MARCHF7: variants seen among roughly 807,000 people sequenced by gnomAD.
The protein encoded by MARCHF7 is membrane associated ring-CH-type finger 7.
A neutral mutation model predicts 76.5 loss-of-function variants in MARCHF7; 20 were observed. The ratio of observed to expected loss-of-function variants is 0.26; its 90% confidence interval spans 0.18 to 0.38. The LOEUF (loss-of-function observed/expected upper bound fraction) is 0.38, where lower values mean the gene tolerates loss of function less well. Ranked by LOEUF, MARCHF7 falls within the 10% of genes least tolerant of loss-of-function variation. The pLI is 1.00. For missense variants in MARCHF7, 797 were observed against 812.9 expected, an observed-to-expected ratio of 0.98 and a Z score of 0.24; for synonymous variants, 295 against 293.0, an observed-to-expected ratio of 1.01 and a Z score of -0.07.
intron 6 of MARCHF7, among the ~76,000 whole-genome samples, chr2:159,746,855 A>G (rs1040354377): frequency 2.0e-5 from 3 of 152,196 alleles, no homozygotes; most frequent in African/African-American, 7.2e-5. Flanking sequence ...GGTTATTTTA[A>G]TTTATCTTAC....
At chr2:159,749,619 AT>A (rs1482520266) in intron 7 of MARCHF7, among the ~76,000 whole-genome samples, 3 of 152,108 alleles carry the variant, frequency 2.0e-5, no homozygotes, top group Non-Finnish European at 2.9e-5. Flanking sequence ...AAGTACTGGG[AT>A]TACAGGCATG....
intron 8 of MARCHF7, among the ~76,000 whole-genome samples, chr2:159,757,126 C>T (rs1183845364): frequency 1.3e-5 from 2 of 152,174 alleles, no homozygotes; most frequent in Non-Finnish European, 2.9e-5. Flanking sequence ...AACTCCTTGC[C>T]TCAAGTGATC....
chr2:159,756,411 G>T (rs567617393), intron 8 of MARCHF7, among the ~76,000 whole-genome samples: 27 of 152,256 alleles, frequency 1.8e-4, no homozygotes, highest in African/African-American at 6.5e-4. Context: ...GATGGGCCAG[G>T]CATGGTGGCT....
At chr2:159,737,422 A>T (rs1436521610) in intron 4 of MARCHF7, among the ~76,000 whole-genome samples, 2 of 152,202 alleles carry the variant, frequency 1.3e-5, no homozygotes, top group Admixed American at 6.5e-5. Flanking sequence ...AAAAAATATT[A>T]GTCATTAGGG....
chr2:159,752,199 CAATG>C (rs1320921092), intron 7 of MARCHF7, among the ~76,000 whole-genome samples, 199 bp from the exon 8 acceptor site: 1 of 152,040 alleles, frequency 6.6e-6, no homozygotes. Context: ...TTTTTATTCT[CAATG>C]AGAGAGTTTT....
intron 3 of MARCHF7, among the ~76,000 whole-genome samples, chr2:159,721,058 G>A (rs1187888590): frequency 3.3e-5 from 5 of 150,470 alleles, no homozygotes; most frequent in Non-Finnish European, 5.9e-5. Context: ...TAGTAGAGGC[G>A]GTTTCGCCAT....
At chr2:159,734,160 G>T in intron 4 of MARCHF7, 1 of 1,068,158 alleles carries the variant, frequency 9.4e-7, no homozygotes, top group Non-Finnish European at 1.2e-6. Context: ...TTGTGGATAT[G>T]TAATTTTGTT....
rs368853029 is a variant in MARCHF7 at position 159,748,244 on chromosome 2, A to G, written c.954A>G (p.Pro318=). ...ATTCTGAAAATTCTTACGTTTCTCC[A>G]AGAATCTTGACAGCTTCACAGTCCC... is the stretch of plus-strand genomic sequence containing the variant. ...SLNSENSYVS[P]RILTASQSRS... Residue 318 remains proline (P), a synonymous_variant, in exon 7 of 12, where the codon CCA becomes CCG. Coordinates refer to ENST00000409175, the MANE Select transcript of MARCHF7 (RefSeq NM_001282805.2). The G allele has an allele frequency of 5.6e-6, 9 of 1,613,746 alleles. No homozygotes were observed. The African/African-American group carries it at 9.3e-5, about 17-fold the overall frequency.
chr2:159,759,785 A>G (rs1171711080), intron 9 of MARCHF7, among the ~76,000 whole-genome samples: 1 of 152,170 alleles, frequency 6.6e-6, no homozygotes, highest in Non-Finnish European at 1.5e-5. Flanking sequence ...TGTAAAAGGA[A>G]TGCATGAAGT....
At chr2:159,725,546 C>G (rs373443983) in intron 3 of MARCHF7, among the ~76,000 whole-genome samples, 19 of 152,042 alleles carry the variant, frequency 1.2e-4, no homozygotes, top group African/African-American at 4.1e-4. Context: ...TTTTTTCTTA[C>G]GAATTTAAGT....
rs1705101112 is a variant in MARCHF7 at position 159,747,918 on chromosome 2, C to T, written c.628C>T (p.Gln210Ter). The T allele has an allele frequency of 6.2e-7, 1 of 1,614,034 alleles. No homozygotes were observed. Among genetic ancestry groups the T allele is most frequent in the Non-Finnish European group, 8.5e-7 (1 of 1,180,034 alleles). ...AAACCACCAATTGCCTTCTGAACAT[C>T]AGACCATACTAAGTTCTAGGGACTC... Reference protein sequence around the residue: ...STNHQLPSEHQTILSSRDSRN... With the variant: ...STNHQLPSEH Residue 210 changes from glutamine (Q) to a stop codon, truncating the protein, a stop_gained, in exon 7 of 12, where the codon CAG (glutamine) becomes TAG (stop). Transcript: ENST00000409175. LOFTEE classifies it high-confidence loss of function.
chr2:159,754,889 C>T (rs57453401), intron 8 of MARCHF7, among the ~76,000 whole-genome samples: 6,298 of 152,174 alleles, frequency 0.041, 415 homozygotes, highest in African/African-American at 0.14. Flanking sequence ...AGGAAAATAA[C>T]ATTTTAAGGA....
At chr2:159,730,811 C>T (rs943995879) in intron 4 of MARCHF7, among the ~76,000 whole-genome samples, 3 of 152,188 alleles carry the variant, frequency 2.0e-5, no homozygotes, top group Non-Finnish European at 4.4e-5. Flanking sequence ...TGAAACCAGA[C>T]TGTACTGCCT....
At chr2:159,750,608 G>A (rs2162498) in intron 7 of MARCHF7, among the ~76,000 whole-genome samples, 11,314 of 152,120 alleles carry the variant, frequency 0.074, 863 homozygotes, top group African/African-American at 0.19. Context: ...TAGAGTTGAA[G>A]GTTGCTTATA....
chr2:159,731,862 T>C (rs1354722695), intron 4 of MARCHF7, among the ~76,000 whole-genome samples: 1 of 152,106 alleles, frequency 6.6e-6, no homozygotes, highest in Non-Finnish European at 1.5e-5. Context: ...CCCAGCACTT[T>C]GGGAGGCTTA....
intron 4 of MARCHF7, among the ~76,000 whole-genome samples, chr2:159,739,457 A>G (rs1161969739): frequency 6.6e-6 from 1 of 152,226 alleles, no homozygotes; most frequent in Admixed American, 6.5e-5. Context: ...ACAAAAATTT[A>G]CAGTTGTTCA....
At chr2:159,738,337 C>T (rs1173159361) in intron 4 of MARCHF7, among the ~76,000 whole-genome samples, 7 of 152,172 alleles carry the variant, frequency 4.6e-5, no homozygotes, top group Admixed American at 6.5e-5. Context: ...AGAGCTCTTC[C>T]GTCCTTGTCG....
In MARCHF7 at chr2:159,759,206, T is replaced by G. The variant is rs779426028; in HGVS notation, c.1784-20T>G. The G allele has an allele frequency of 1.5e-6, 2 of 1,357,954 alleles. No homozygotes were observed. Among genetic ancestry groups the G allele is most frequent in the African/African-American group, 2.9e-5 (2 of 68,660 alleles). 84.1% of individuals were successfully genotyped at this position (1,357,954 alleles called of 1,614,324 possible). ...AGACATTATAAAACTAAGCTTTATT[T>G]GTAATTTAATTTTTACCAGGTTCTT... On this transcript the variant is annotated intron_variant, in intron 8 of 11. Coordinates refer to ENST00000409175, the MANE Select transcript of MARCHF7 (RefSeq NM_001282805.2).
chr2:159,735,989 T>C (rs1032035880), intron 4 of MARCHF7, among the ~76,000 whole-genome samples: 5 of 152,164 alleles, frequency 3.3e-5, no homozygotes, highest in Admixed American at 2.0e-4. Flanking sequence ...TAACCTGATA[T>C]GGTGGTGCAC....
Sources: allele counts gnomAD v4.1 joint callset (sites outside exome capture counted in the v4.1 genomes callset), GRCh38; gene constraint gnomAD v4.1.1; transcripts MANE v1.5; gene names NCBI Gene and HGNC (gene_info 2026-07-23, HGNC 2026-07-21).